The following CORO2B variants were observed in gnomAD, a reference collection of about 807,000 sequenced individuals.
The protein encoded by CORO2B is coronin 2B.
A neutral mutation model predicts 58.8 loss-of-function variants in CORO2B; 26 were observed. The ratio of observed to expected loss-of-function variants is 0.44; its 90% CI spans 0.32 to 0.61. The LOEUF is 0.61. CORO2B is among the 20% of genes least tolerant of loss of function. CORO2B has a pLI of 0.04. For synonymous variants in CORO2B, 242 were observed against 253.8 expected (o/e 0.95, Z 0.44); for missense variants, 460 against 645.1 (o/e 0.71, Z 3.11).
Position 68,710,628 on chromosome 15 carries a change from T to C in CORO2B, c.334-104T>C. ...TCGCCTCAAGCCAGGAGGTGGCTCA[T>C]CAGGCAGATCTCAGAAAGCCTGGTG... is the stretch of plus-strand genomic sequence containing the variant. On this transcript the variant is annotated intron_variant, in intron 3 of 11. Transcript: ENST00000261861. The surrounding 1 kb of genome is among the most constrained non-coding windows in gnomAD (Gnocchi z 4.1). The C allele has an allele frequency of 2.3e-6, 3 of 1,325,838 alleles. No individual in the cohort carries two copies. The South Asian group carries it at 5.2e-5, about 23-fold the overall frequency. The allele number at this position is 1,325,838 out of a possible 1,614,324, so 82.1% of individuals were successfully genotyped here. A position where few individuals can be genotyped will look rare whatever the true frequency, so the allele number is the denominator to read the frequency against.
At chr15:68,663,554 A>G (rs981600279) in intron 2 of CORO2B, among the ~76,000 whole-genome samples, 1 of 152,248 alleles carries the variant, frequency 6.6e-6, no homozygotes, top group African/African-American at 2.4e-5. Flanking sequence ...ACAGAAAGCA[A>G]TAGCTATAAA....
intron 2 of CORO2B, among the ~76,000 whole-genome samples, chr15:68,659,489 G>C (rs2066576429): frequency 6.6e-6 from 1 of 152,244 alleles, no homozygotes; most frequent in South Asian, 2.1e-4. Context: ...CAGGCAGGAA[G>C]ATCACTTGAG....
At chr15:68,587,582 C>T (rs1402283180) in intron 1 of CORO2B, among the ~76,000 whole-genome samples, 1 of 152,200 alleles carries the variant, frequency 6.6e-6, no homozygotes, top group East Asian at 1.9e-4. Context: ...CTCAGCCTTT[C>T]ACCAGGTGCT....
upstream of CORO2B, among the ~76,000 whole-genome samples, chr15:68,578,135 C>T (rs185018418): frequency 6.6e-6 from 1 of 152,356 alleles, no homozygotes; most frequent in African/African-American, 2.4e-5. The surrounding 1 kb of genome is among the most constrained non-coding windows in gnomAD (Gnocchi z 4.2). Context: ...CCTCAAATCT[C>T]CGCAGCAGCT....
chr15:68,653,781 G>C (rs1008472106), intron 2 of CORO2B, among the ~76,000 whole-genome samples: 4 of 151,512 alleles, frequency 2.6e-5, no homozygotes, highest in African/African-American at 9.7e-5. Flanking sequence ...CAAAGCCTTC[G>C]TTCCCATTCC....
rs559957428 is a variant in CORO2B, at chr15:68,611,421, A to C, written c.15+32144A>C. 3.3e-5 allele frequency among the ~76,000 whole-genome samples: 5 copies of C among 152,276 alleles called. No individual in the cohort carries two copies. In the South Asian group the frequency reaches 1.0e-3, roughly 32 times the overall value. On this transcript the variant is annotated intron_variant, in intron 1 of 11. Transcript: ENST00000261861. ...TTTGTTTTTTTTCCCCTATGACTGTATATGACAATTTCCTACCTTTTGCCT... is the reference window on the plus strand; with the variant it reads ...TTTGTTTTTTTTCCCCTATGACTGTCTATGACAATTTCCTACCTTTTGCCT...
intron 7 of CORO2B, 71 bp downstream of exon 7, chr15:68,714,734 GC>G: frequency 8.5e-7 from 1 of 1,175,390 alleles, no homozygotes; most frequent in Non-Finnish European, 1.3e-6. Flanking sequence ...CCCTGCACCT[GC>G]CCCACCCCCT....
chr15:68,608,672 G>T (rs1424633745), intron 1 of CORO2B, among the ~76,000 whole-genome samples: 1 of 152,132 alleles, frequency 6.6e-6, no homozygotes, highest in South Asian at 2.1e-4. Context: ...CCTAGGGAGG[G>T]AACTCCCCAT....
intron 5 of CORO2B, 143 bp from the exon 6 acceptor site, chr15:68,713,782 C>A: frequency 1.6e-6 from 1 of 642,466 alleles, no homozygotes. Context: ...ACCACATCTG[C>A]AAGGACCCTT....
chr15:68,526,814 G>C, the CORO2B span, among the ~76,000 whole-genome samples: 1,443 of 152,100 alleles, frequency 9.5e-3, 31 homozygotes, highest in African/African-American at 0.031. Flanking sequence ...CTAGTAAAAG[G>C]CACCAACTTA....
intron 3 of CORO2B, among the ~76,000 whole-genome samples, chr15:68,701,879 G>A (rs181125540): frequency 1.1e-4 from 17 of 152,174 alleles, no homozygotes; most frequent in South Asian, 6.2e-4. Context: ...AAAGTGTTTT[G>A]TGTCCCCTAA....
chr15:68,571,991 T>C, the CORO2B span, among the ~76,000 whole-genome samples: 3 of 152,188 alleles, frequency 2.0e-5, no homozygotes, highest in African/African-American at 7.2e-5. Context: ...AGAGAACTCC[T>C]GAGGGGGGCA....
intron 11 of CORO2B, among the ~76,000 whole-genome samples, chr15:68,722,716 T>A (rs985929208): frequency 6.6e-6 from 1 of 152,168 alleles, no homozygotes; most frequent in African/African-American, 2.4e-5. Context: ...CTGGGACTGG[T>A]GGTTTGTTAG....
chr15:68,701,612 T>A (rs1214979649), intron 3 of CORO2B, among the ~76,000 whole-genome samples: 2 of 145,914 alleles, frequency 1.4e-5, no homozygotes, highest in East Asian at 2.2e-4. Flanking sequence ...CAGCCTCCCG[T>A]GTAGCTGGGA....
intron 1 of CORO2B, among the ~76,000 whole-genome samples, chr15:68,631,374 C>T (rs1202934223): frequency 1.3e-5 from 2 of 152,126 alleles, no homozygotes; most frequent in African/African-American, 4.8e-5. Flanking sequence ...TTGTCTAGGG[C>T]TTGTTATACA....
chr15:68,620,702 T>A (rs1460481638), intron 1 of CORO2B, among the ~76,000 whole-genome samples: 1 of 152,100 alleles, frequency 6.6e-6, no homozygotes, highest in Non-Finnish European at 1.5e-5. Flanking sequence ...TATAGTAGGG[T>A]AATTATTTCT....
chr15:68,685,605 A>C (rs1902941253), intron 2 of CORO2B, among the ~76,000 whole-genome samples: 1 of 152,262 alleles, frequency 6.6e-6, no homozygotes, highest in Non-Finnish European at 1.5e-5. Flanking sequence ...CAGGTGCTCC[A>C]GGAGGCAGGA....
At chr15:68,520,767 C>T in the CORO2B span, among the ~76,000 whole-genome samples, 1 of 152,122 alleles carries the variant, frequency 6.6e-6, no homozygotes, top group Non-Finnish European at 1.5e-5. Flanking sequence ...AAGCTTTGGC[C>T]GGGTGCAGTA....
At chr15:68,697,900 G>A (rs936371530) in intron 3 of CORO2B, among the ~76,000 whole-genome samples, 2 of 152,300 alleles carry the variant, frequency 1.3e-5, no homozygotes, top group African/African-American at 2.4e-5. Context: ...TCTCTCCTGG[G>A]TTCAGGGAGC....
Sources: allele counts gnomAD v4.1 joint callset (sites outside exome capture counted in the v4.1 genomes callset), GRCh38; gene constraint gnomAD v4.1.1; non-coding constraint Gnocchi (gnomAD v3.1); transcripts MANE v1.5; gene names NCBI Gene and HGNC (gene_info 2026-07-23, HGNC 2026-07-21).